The following DHX9 variants were observed in gnomAD, a reference collection of about 807,000 sequenced individuals.
DHX9 encodes the protein ATP-dependent RNA helicase A.
A neutral mutation model predicts 148.7 loss-of-function variants in DHX9; 27 were observed. That is an observed-to-expected ratio of 0.18 (90% CI 0.13 to 0.25). The LOEUF is 0.25. Among genes scored for constraint, DHX9 ranks in the 10% least tolerant of loss-of-function variants. DHX9 has a pLI of 1.00. For synonymous variants in DHX9, 529 were observed against 516.6 expected (o/e 1.02, Z -0.33); for missense variants, 796 against 1,559.6 (o/e 0.51, Z 8.25).
At position 182,850,741 on chromosome 1, in the gene DHX9, T is replaced by C. The variant is rs943273229; in HGVS notation, c.253-1492T>C. Among the ~76,000 whole-genome samples, 13 of 152,348 alleles carry C rather than the reference T, an allele frequency of 8.5e-5. No homozygotes were observed. The South Asian group carries it at 2.7e-3, about 32-fold the overall frequency. ...TATTTTAATGTGATAAAATATATATTGTGTATACTATTTTATAACCTACTT... is the reference window on the plus strand; with the variant it reads ...TATTTTAATGTGATAAAATATATATCGTGTATACTATTTTATAACCTACTT... On this transcript the variant is annotated intron_variant, in intron 3 of 27. Coordinates refer to ENST00000367549, the MANE Select transcript of DHX9 (RefSeq NM_001357.5).
intron 1 of DHX9, among the ~76,000 whole-genome samples, chr1:182,841,290 C>CAAA (rs111535009): frequency 1.4e-4 from 19 of 139,222 alleles, no homozygotes; most frequent in African/African-American, 4.7e-4. Context: ...GACTCCGTCT[C>CAAA]AAAAAAAAAA....
In DHX9 at chr1:182,866,542, T is replaced by C. The variant is rs536075649; in HGVS notation, c.1431T>C (p.Ser477=). ...GTGGCTACAGCGTTCGATTTGAGTCTATACTTCCTCGTCCTCATGCCAGTA... is the reference window on the plus strand; with the variant it reads ...GTGGCTACAGCGTTCGATTTGAGTCCATACTTCCTCGTCCTCATGCCAGTA... ...KSCGYSVRFE[S]ILPRPHASIM... The change falls in exon 13 of 28, where the codon TCT becomes TCC. Residue 477 remains serine, a synonymous_variant. Coordinates refer to ENST00000367549, the MANE Select transcript of DHX9 (RefSeq NM_001357.5). 6 of 1,614,230 alleles carry C rather than the reference T, an allele frequency of 3.7e-6. No homozygotes were observed. The South Asian group carries it at 4.4e-5, about 12-fold the overall frequency.
intron 3 of DHX9, among the ~76,000 whole-genome samples, chr1:182,844,971 C>G (rs1425230017): frequency 6.6e-6 from 1 of 152,182 alleles, no homozygotes; most frequent in Non-Finnish European, 1.5e-5. Context: ...CCTGTCTATG[C>G]CAGTTTTAAC....
rs1189341032 is a variant in DHX9, at chr1:182,879,637, AAACTT to A, written c.2512+230_2512+234del. On this transcript the variant is annotated intron_variant, in intron 21 of 27. Transcript: ENST00000367549. The stretch of plus-strand genomic sequence containing the variant: ...ATGTGAGTCTTTAAAAAAGAAAAGA[AAACTT>A]AAAAAGGCATCTCTTAACTATGTAC... Among the ~76,000 whole-genome samples the A allele has an allele frequency of 1.2e-4, 18 of 152,230 alleles. No homozygotes were observed. In the East Asian group the frequency reaches 2.9e-3, roughly 24 times the overall value.
At position 182,883,275 on chromosome 1, in the gene DHX9, G is replaced by A; in HGVS notation, c.3051G>A (p.Gly1017=). ...KEKRKILTTE[G]RNALIHKSSV... ...AGAGGAAGATTCTCACCACTGAAGG[G>A]CGTAATGCACTTATCCACAAATCAT... The change falls in exon 25 of 28, where the codon GGG becomes GGA. Residue 1017 remains glycine, a synonymous_variant. Transcript: ENST00000367549. 1 of 1,614,116 alleles carries A rather than the reference G, an allele frequency of 6.2e-7. No individual in the cohort carries two copies. The highest frequency in any genetic ancestry group is 8.5e-7 in the Non-Finnish European group (1 of 1,180,012).
intron 3 of DHX9, among the ~76,000 whole-genome samples, chr1:182,848,443 C>G (rs1668071335): frequency 6.6e-6 from 1 of 152,200 alleles, no homozygotes; most frequent in South Asian, 2.1e-4. Flanking sequence ...AAACCTTGTT[C>G]CAACGTAATT....
intron 7 of DHX9, among the ~76,000 whole-genome samples, chr1:182,857,761 T>C (rs1324951099): frequency 6.6e-6 from 1 of 152,236 alleles, no homozygotes; most frequent in Non-Finnish European, 1.5e-5. Flanking sequence ...TTTACTGGTT[T>C]ATTTTTTACT....
At chr1:182,881,193 A>G (rs1649070971) in intron 22 of DHX9, 71 bp from the exon 23 acceptor site, 1 of 1,492,896 alleles carries the variant, frequency 6.7e-7, no homozygotes, top group African/African-American at 1.4e-5. Context: ...CCCACAGTCG[A>G]CAGTCCTACC....
chr1:182,876,774 C>T, intron 18 of DHX9, 56 bp from the exon 19 acceptor site: 1 of 1,337,066 alleles, frequency 7.5e-7, no homozygotes, highest in Non-Finnish European at 1.1e-6. Flanking sequence ...GCAAATCAGT[C>T]CTTTTAAGTA....
At chr1:182,868,899 A>G (rs1005528204) in intron 14 of DHX9, among the ~76,000 whole-genome samples, 6 of 152,190 alleles carry the variant, frequency 3.9e-5, no homozygotes, top group African/African-American at 7.2e-5. Context: ...ACTATAAATC[A>G]TGTAACTTTT....
In DHX9 at chr1:182,883,129, C is replaced by T; in HGVS notation, c.2915-10C>T. 6.2e-7 allele frequency: 1 copy of T among 1,605,074 alleles called. No homozygotes were observed. On this transcript the variant is annotated splice_polypyrimidine_tract_variant and intron_variant, in intron 24 of 27. Coordinates refer to ENST00000367549, the MANE Select transcript of DHX9 (RefSeq NM_001357.5). Reference sequence around the variant, plus strand: ...TCTGATTTTTGTTTTCACTGTGCTCCTCTTAACAGATTGTTTGTTGACACA... The same window carrying T: ...TCTGATTTTTGTTTTCACTGTGCTCTTCTTAACAGATTGTTTGTTGACACA...
intron 12 of DHX9, among the ~76,000 whole-genome samples, chr1:182,865,833 G>C (rs1192383875): frequency 6.6e-6 from 1 of 152,178 alleles, no homozygotes; most frequent in African/African-American, 2.4e-5. Context: ...GAACACTTCA[G>C]AAGAGTTTTC....
Position 182,858,097 on chromosome 1 carries a change from A to G in DHX9, c.674-7A>G, listed in dbSNP as rs374620008. 21 of 1,609,820 alleles carry G rather than the reference A, an allele frequency of 1.3e-5. No homozygotes were observed. In the African/African-American group the frequency reaches 1.9e-4, roughly 14 times the overall value. On this transcript the variant is annotated splice_region_variant and splice_polypyrimidine_tract_variant and intron_variant, in intron 7 of 27. Transcript: ENST00000367549. ...TTCTGTCTGATAATCCTGACCTTAC[A>G]TTATAGGGATTTTTGCACGAGAACA...
chr1:182,849,795 A>G (rs144708056), intron 3 of DHX9, among the ~76,000 whole-genome samples: 230 of 151,846 alleles, frequency 1.5e-3, no homozygotes, highest in Non-Finnish European at 2.5e-3. Context: ...CTCTACATAT[A>G]TCTTCCCTTT....
chr1:182,869,105 G>A (rs1049159259), intron 14 of DHX9, among the ~76,000 whole-genome samples: 1 of 152,186 alleles, frequency 6.6e-6, no homozygotes, highest in Non-Finnish European at 1.5e-5. Context: ...AAAACAGTAA[G>A]TTTTGGTCAG....
Position 182,887,433 on chromosome 1 carries a change from A to G in DHX9, c.3812A>G (p.Ter1271=), listed in dbSNP as rs1649385645. 1.2e-6 allele frequency: 2 copies of G among 1,611,890 alleles called. No homozygotes were observed. Among genetic ancestry groups the G allele is most frequent in the Admixed American group, 1.7e-5 (1 of 59,784 alleles). ...CAGGGAAGAGGAGGTGGCGGCTATT[A>G]AAACTTGGTTATGTCAGTTCCTGTG... is the stretch of plus-strand genomic sequence containing the variant. ...FGQGRGGGGY[*] The change falls in exon 28 of 28, where the codon TAA becomes TGA. Residue 1271 remains the stop codon, a stop_retained_variant. Transcript: ENST00000367549.
At chr1:182,864,849 T>C (rs955288361) in intron 12 of DHX9, among the ~76,000 whole-genome samples, 1 of 152,206 alleles carries the variant, frequency 6.6e-6, no homozygotes, top group Non-Finnish European at 1.5e-5. Flanking sequence ...TTGTGTTTTA[T>C]GGGTAGTTAA....
At chr1:182,877,149 C>G in intron 19 of DHX9, 2 of 414,070 alleles carry the variant, frequency 4.8e-6, no homozygotes, top group Non-Finnish European at 8.7e-6. Flanking sequence ...TCTCATTGCT[C>G]TTGGCTGCTG....
intron 12 of DHX9, 74 bp downstream of exon 12, chr1:182,860,258 TG>T: frequency 5.6e-6 from 7 of 1,245,772 alleles, no homozygotes; most frequent in Non-Finnish European, 7.6e-6. Context: ...AACTAATTTT[TG>T]TAATTATTTA....
Sources: allele counts gnomAD v4.1 joint callset (sites outside exome capture counted in the v4.1 genomes callset), GRCh38; gene constraint gnomAD v4.1.1; transcripts MANE v1.5; gene names NCBI Gene and HGNC (gene_info 2026-07-23, HGNC 2026-07-21).